Variants in CCSER1 observed in about 807,000 individuals in gnomAD.
CCSER1 encodes serine-rich coiled-coil domain-containing protein 1.
Under a neutral mutation model 82.0 loss-of-function variants are expected in CCSER1, and 41 were observed. The observed-to-expected ratio is 0.50, with a 90% CI of 0.39 to 0.65. The LOEUF (loss-of-function observed/expected upper bound fraction) is 0.65, where lower values mean the gene tolerates loss of function less well. CCSER1 is among the 30% of genes least tolerant of loss of function. CCSER1 has a pLI of 0.00. For synonymous variants in CCSER1, 414 were observed against 383.9 expected (o/e 1.08, Z -0.92); for missense variants, 1,119 against 1,064.2 (o/e 1.05, Z -0.72).
At chr4:90,929,279 A>T (rs890232468) in intron 9 of CCSER1, among the ~76,000 whole-genome samples, 1 of 152,200 alleles carries the variant, frequency 6.6e-6, no homozygotes, top group Non-Finnish European at 1.5e-5. Flanking sequence ...CTAAAAATTT[A>T]TAACAAATTA....
intron 7 of CCSER1, among the ~76,000 whole-genome samples, chr4:90,804,523 T>C (rs1757254644): frequency 6.6e-6 from 1 of 152,188 alleles, no homozygotes; most frequent in South Asian, 2.1e-4. Context: ...CAGATGGTTG[T>C]AGATGTGTGG....
intron 1 of CCSER1, among the ~76,000 whole-genome samples, chr4:90,154,211 G>C (rs544637017): frequency 6.6e-6 from 1 of 152,168 alleles, no homozygotes; most frequent in African/African-American, 2.4e-5. Flanking sequence ...AGATTTCTGA[G>C]GGCTCTGTTC....
intron 9 of CCSER1, among the ~76,000 whole-genome samples, chr4:91,029,113 C>T (rs1342715840): frequency 3.3e-5 from 5 of 151,920 alleles, no homozygotes; most frequent in Non-Finnish European, 5.9e-5. Flanking sequence ...GAGTGATCCT[C>T]TTCATAGAAA....
At chr4:91,276,756 C>G (rs1291235644) in intron 10 of CCSER1, among the ~76,000 whole-genome samples, 1 of 152,036 alleles carries the variant, frequency 6.6e-6, no homozygotes, top group African/African-American at 2.4e-5. Flanking sequence ...TCCAGTTTTT[C>G]CCATTGTGTC....
chr4:90,624,481 A>T (rs574128106), intron 5 of CCSER1, among the ~76,000 whole-genome samples: 45 of 152,276 alleles, frequency 3.0e-4, no homozygotes, highest in African/African-American at 1.1e-3. Context: ...TTGTGTCAAG[A>T]TATATGTTTT....
At chr4:90,746,620 A>T (rs538176485) in intron 7 of CCSER1, among the ~76,000 whole-genome samples, 1 of 152,258 alleles carries the variant, frequency 6.6e-6, no homozygotes, top group African/African-American at 2.4e-5. Context: ...CTTGTCCTCC[A>T]TTCTAAAAAC....
chr4:91,100,106 G>A (rs1011190897), intron 10 of CCSER1, among the ~76,000 whole-genome samples: 17 of 152,004 alleles, frequency 1.1e-4, no homozygotes, highest in Admixed American at 2.0e-4. Flanking sequence ...ACAATATATA[G>A]AGTTAAATAA....
intron 8 of CCSER1, among the ~76,000 whole-genome samples, chr4:90,847,752 A>G (rs143770447): frequency 6.6e-6 from 1 of 152,272 alleles, no homozygotes; most frequent in Non-Finnish European, 1.5e-5. Context: ...TCAAATACGC[A>G]CTGTGAGCAT....
At chr4:91,050,001 G>C (rs748645348) in intron 9 of CCSER1, among the ~76,000 whole-genome samples, 1 of 152,132 alleles carries the variant, frequency 6.6e-6, no homozygotes, top group Non-Finnish European at 1.5e-5. Flanking sequence ...TCCTTCCACT[G>C]TGAAATTAGG....
chr4:90,526,861 A>G (rs2153628135), intron 5 of CCSER1, among the ~76,000 whole-genome samples: 1 of 152,282 alleles, frequency 6.6e-6, no homozygotes, highest in Non-Finnish European at 1.5e-5. Flanking sequence ...TAGGAGAATG[A>G]TTTATAGTCC....
intron 10 of CCSER1, among the ~76,000 whole-genome samples, chr4:91,437,103 C>T (rs932328402): frequency 6.6e-6 from 1 of 152,052 alleles, no homozygotes; most frequent in Non-Finnish European, 1.5e-5. Flanking sequence ...AGTGTCCTTG[C>T]CTTTGCATTT....
chr4:90,276,230 CTT>C (rs1385481456), intron 1 of CCSER1, among the ~76,000 whole-genome samples: 1 of 106,252 alleles, frequency 9.4e-6, no homozygotes, highest in African/African-American at 3.8e-5. Context: ...TTCTTTCTTT[CTT>C]TCTTTCTTTC....
At chr4:90,174,008 T>C (rs1732219101) in intron 1 of CCSER1, among the ~76,000 whole-genome samples, 1 of 151,974 alleles carries the variant, frequency 6.6e-6, no homozygotes, top group Admixed American at 6.6e-5. Flanking sequence ...CTTATCCAAG[T>C]CAGAAACAAT....
rs549330138 is a variant in CCSER1 at position 91,413,959 on chromosome 4, G to A, written c.2218-184613G>A. ...TACCAAGAAAAGTGGTCTTTCATAC[G>A]TGAAGAAAAGATAAAGACATTATAG... On this transcript the variant is annotated intron_variant, in intron 10 of 10. Coordinates refer to ENST00000509176, the MANE Select transcript of CCSER1 (RefSeq NM_001145065.2). Among the ~76,000 whole-genome samples, 7 of 152,130 alleles carry A rather than the reference G, an allele frequency of 4.6e-5. No individual in the cohort carries two copies. In the East Asian group the frequency reaches 7.7e-4, roughly 17 times the overall value.
intron 10 of CCSER1, among the ~76,000 whole-genome samples, chr4:91,154,511 T>C (rs1352659345): frequency 6.6e-6 from 1 of 152,008 alleles, no homozygotes; most frequent in Non-Finnish European, 1.5e-5. Context: ...CTCCTGGTCC[T>C]TGGGTTGCAC....
intron 10 of CCSER1, among the ~76,000 whole-genome samples, chr4:91,507,075 A>G (rs1281630819): frequency 6.6e-6 from 1 of 152,206 alleles, no homozygotes; most frequent in African/African-American, 2.4e-5. Flanking sequence ...ACTATTATGA[A>G]CGAAACTTTT....
intron 3 of CCSER1, among the ~76,000 whole-genome samples, chr4:90,385,378 A>G (rs895298483): frequency 2.0e-5 from 3 of 149,132 alleles, no homozygotes; most frequent in African/African-American, 7.4e-5. Context: ...TTTTTTTTTA[A>G]CCATATCTGT....
intron 10 of CCSER1, among the ~76,000 whole-genome samples, chr4:91,350,728 T>C (rs889703321): frequency 6.6e-6 from 1 of 152,000 alleles, no homozygotes; most frequent in Non-Finnish European, 1.5e-5. Flanking sequence ...GTAAAAAATA[T>C]TAAGAATATT....
chr4:91,547,125 T>G (rs577438558), intron 10 of CCSER1, among the ~76,000 whole-genome samples: 1 of 152,244 alleles, frequency 6.6e-6, no homozygotes, highest in East Asian at 1.9e-4. Context: ...ATATTATTTT[T>G]AATTTGTTAA....
Sources: allele counts gnomAD v4.1 joint callset (sites outside exome capture counted in the v4.1 genomes callset), GRCh38; gene constraint gnomAD v4.1.1; transcripts MANE v1.5; gene names NCBI Gene and HGNC (gene_info 2026-07-23, HGNC 2026-07-21).